Variants in GPHN observed in about 807,000 individuals in gnomAD.
GPHN encodes gephyrin.
A neutral mutation model predicts 95.5 loss-of-function variants in GPHN; 17 were observed. The observed-to-expected ratio is 0.18, with a 90% confidence interval of 0.12 to 0.27. GPHN has a LOEUF of 0.27. GPHN is among the 10% of genes least tolerant of loss of function. The pLI, the probability that GPHN is intolerant of heterozygous loss-of-function variation, is 1.00. For synonymous variants in GPHN, 320 were observed against 322.5 expected, an observed-to-expected ratio of 0.99 and a Z score of 0.08; for missense variants, 660 against 978.1, an observed-to-expected ratio of 0.67 and a Z score of 4.34.
chr14:67,645,272 C>T, the GPHN span, among the ~76,000 whole-genome samples: 6 of 151,936 alleles, frequency 3.9e-5, no homozygotes, highest in East Asian at 1.2e-3. Flanking sequence ...CCTCAGTCCT[C>T]TGAGTAGCCA....
At chr14:66,540,029 G>A (rs1051198861) in intron 1 of GPHN, among the ~76,000 whole-genome samples, 1 of 152,196 alleles carries the variant, frequency 6.6e-6, no homozygotes, top group Non-Finnish European at 1.5e-5. Context: ...AATACACAAT[G>A]TATTGTGTAC....
At chr14:67,660,729 G>T in the GPHN span, among the ~76,000 whole-genome samples, 2 of 152,126 alleles carry the variant, frequency 1.3e-5, no homozygotes, top group African/African-American at 4.8e-5. Flanking sequence ...TCCACAAGAG[G>T]CCCTAAATTA....
At chr14:66,535,394 A>T (rs1189177968) in intron 1 of GPHN, among the ~76,000 whole-genome samples, 14 of 152,150 alleles carry the variant, frequency 9.2e-5, no homozygotes, top group Admixed American at 9.2e-4. Flanking sequence ...ATCTGGTGGT[A>T]TAAGTTCCTT....
chr14:67,457,370 G>T, the GPHN span, among the ~76,000 whole-genome samples: 1 of 152,222 alleles, frequency 6.6e-6, no homozygotes, highest in Admixed American at 6.5e-5. Flanking sequence ...GAAGTGGGAG[G>T]ATGGCTTGAG....
At chr14:66,784,311 T>C (rs1273896913) in intron 3 of GPHN, among the ~76,000 whole-genome samples, 1 of 152,142 alleles carries the variant, frequency 6.6e-6, no homozygotes, top group Non-Finnish European at 1.5e-5. Flanking sequence ...ACAAATGCCA[T>C]ATTCAGTGAA....
intron 17 of GPHN, among the ~76,000 whole-genome samples, chr14:67,140,978 G>T (rs930664028): frequency 7.9e-6 from 1 of 127,102 alleles, no homozygotes; most frequent in African/African-American, 4.5e-5. Flanking sequence ...TTTATGTCAG[G>T]GTTTTTTTTT....
the GPHN span, chr14:67,648,115 G>A: frequency 6.2e-7 from 1 of 1,613,892 alleles, no homozygotes; most frequent in East Asian, 2.2e-5. Flanking sequence ...CCAGCCACAG[G>A]AACTCCTGTT....
chr14:66,775,206 C>T (rs1377312617), intron 2 of GPHN, among the ~76,000 whole-genome samples: 1 of 151,672 alleles, frequency 6.6e-6, no homozygotes, highest in African/African-American at 2.4e-5. Flanking sequence ...TATTATTTTA[C>T]ATTTGGGAGA....
chr14:66,802,906 C>T (rs918346483), intron 3 of GPHN, among the ~76,000 whole-genome samples: 3 of 152,086 alleles, frequency 2.0e-5, no homozygotes, highest in African/African-American at 4.8e-5. Context: ...ACAAGCTGTG[C>T]ATCCTGGGGT....
chr14:67,336,634 A>G, the GPHN span: 2 of 439,642 alleles, frequency 4.5e-6, no homozygotes, highest in Non-Finnish European at 9.1e-6. Context: ...GATCAAATTA[A>G]ATCAAATCAT....
At chr14:67,324,897 A>ATCTTTT in the GPHN span, among the ~76,000 whole-genome samples, 1 of 76,336 alleles carries the variant, frequency 1.3e-5, no homozygotes, top group Admixed American at 1.7e-4. Flanking sequence ...CCTTCCTTTC[A>ATCTTTT]TTTTTTTTTT....
At chr14:67,346,369 T>C in the GPHN span, among the ~76,000 whole-genome samples, 1 of 152,256 alleles carries the variant, frequency 6.6e-6, no homozygotes, top group African/African-American at 2.4e-5. Context: ...TGGAGTGCAG[T>C]GGTGCGATCT....
intron 1 of GPHN, among the ~76,000 whole-genome samples, chr14:66,677,479 C>A (rs2066673115): frequency 6.6e-6 from 1 of 152,010 alleles, no homozygotes; most frequent in African/African-American, 2.4e-5. Context: ...TTCAAGACTT[C>A]TTTGGTGTCT....
At chr14:67,465,928 C>T in the GPHN span, among the ~76,000 whole-genome samples, 2 of 152,158 alleles carry the variant, frequency 1.3e-5, no homozygotes, top group African/African-American at 4.8e-5. Flanking sequence ...CCTAGGAAGC[C>T]AAGGATTGCC....
chr14:66,663,420 A>C (rs1255975765), intron 1 of GPHN, among the ~76,000 whole-genome samples: 2 of 152,234 alleles, frequency 1.3e-5, no homozygotes, highest in Non-Finnish European at 2.9e-5. Context: ...CCAGACAAGC[A>C]AATGTTGAGG....
chr14:67,457,596 A>T, the GPHN span, among the ~76,000 whole-genome samples: 2 of 152,166 alleles, frequency 1.3e-5, no homozygotes, highest in Non-Finnish European at 2.9e-5. Flanking sequence ...ACAGAGAGAG[A>T]CTTTGTCTGT....
intron 13 of GPHN, among the ~76,000 whole-genome samples, chr14:67,106,608 T>C (rs2078053057): frequency 6.6e-6 from 1 of 152,162 alleles, no homozygotes; most frequent in South Asian, 2.1e-4. Context: ...TCTATTGTAA[T>C]TTTTTATTTC....
chr14:67,309,051 A>G, the GPHN span, among the ~76,000 whole-genome samples: 1 of 152,230 alleles, frequency 6.6e-6, no homozygotes, highest in Non-Finnish European at 1.5e-5. Flanking sequence ...AATTGCGTCC[A>G]AACAGTTCTA....
the GPHN span, among the ~76,000 whole-genome samples, chr14:67,296,205 G>A: frequency 1.2e-4 from 19 of 152,276 alleles, no homozygotes; most frequent in Non-Finnish European, 2.5e-4. Flanking sequence ...GTAAGAAAGA[G>A]GAAAAGGCAT....
Sources: gnomAD v4.1 joint callset for allele counts (sites outside exome capture counted in the v4.1 genomes callset) on GRCh38, gnomAD v4.1.1 for gene constraint, MANE v1.5 for transcripts, NCBI Gene and HGNC (gene_info 2026-07-23, HGNC 2026-07-21) for gene names.